Variants in UBE2Q1 observed in about 807,000 individuals in gnomAD.
UBE2Q1 encodes the protein ubiquitin-conjugating enzyme E2 Q1.
UBE2Q1 carries 6 observed loss-of-function variants against 60.1 expected under a neutral mutation model. That is an observed-to-expected ratio of 0.10 (90% CI 0.05 to 0.20). UBE2Q1 has a LOEUF of 0.20. Among genes scored for constraint, UBE2Q1 ranks in the 10% least tolerant of loss-of-function variants. The probability of loss-of-function intolerance (pLI) is 1.00; values close to 1 mark genes in which losing one functional copy is unlikely to be tolerated. For missense variants in UBE2Q1, 262 were observed against 525.8 expected, an observed-to-expected ratio of 0.50 and a Z score of 4.91; for synonymous variants, 226 against 208.3, an observed-to-expected ratio of 1.09 and a Z score of -0.73.
chr1:154,554,393 A>G (rs935327630), intron 4 of UBE2Q1, among the ~76,000 whole-genome samples: 2 of 152,274 alleles, frequency 1.3e-5, no homozygotes, highest in African/African-American at 2.4e-5. Context: ...AGTAGGTATT[A>G]TAATCCTACT....
chr1:154,555,646 T>C (rs1321709596), intron 2 of UBE2Q1, 114 bp from the exon 3 acceptor site: 2 of 1,046,622 alleles, frequency 1.9e-6, no homozygotes, highest in Non-Finnish European at 2.9e-6. Context: ...CTAAGCCTTA[T>C]GGGCCACGTG....
intron 12 of UBE2Q1, 50 bp from the exon 13 acceptor site, chr1:154,550,519 CCT>C (rs745908568): frequency 5.6e-6 from 9 of 1,611,740 alleles, no homozygotes; most frequent in Non-Finnish European, 7.6e-6. Flanking sequence ...GCCCACCCTC[CCT>C]GTCCTGCCCC....
chr1:154,553,216 C>G, intron 4 of UBE2Q1, 44 bp from the exon 5 acceptor site: 1 of 1,590,350 alleles, frequency 6.3e-7, no homozygotes, highest in Non-Finnish European at 8.5e-7. Context: ...AGGAAAAAAA[C>G]CGACACAGGT....
intron 3 of UBE2Q1, chr1:154,554,998 TAAAAG>T: frequency 3.5e-6 from 2 of 563,912 alleles, no homozygotes; most frequent in South Asian, 2.6e-5. Context: ...TGCCAAAGAA[TAAAAG>T]AAAAGCAAAA....
Position 154,551,375 on chromosome 1 carries a change from GC to G in UBE2Q1, c.1170+21del, listed in dbSNP as rs747495523. 3 of 1,612,224 alleles carry G rather than the reference GC, an allele frequency of 1.9e-6. No individual in the cohort carries two copies. The South Asian group carries it at 3.3e-5, about 18-fold the overall frequency. ...TACTTGGCTCCACCCAGCCCCACCA[GC>G]CCCAGGACCAGGATCCTTACTTTGT... On this transcript the variant is annotated intron_variant, in intron 11 of 12. Transcript: ENST00000292211.
Position 154,549,174 on chromosome 1 carries a change from A to G in UBE2Q1, c.*1264T>C, listed in dbSNP as rs972964184. The G allele has an allele frequency of 1.3e-5, 2 of 152,316 alleles. No individual in the cohort carries two copies. Among genetic ancestry groups the G allele is most frequent in the African/African-American group, 4.8e-5 (2 of 41,448 alleles). The allele number at this position is 152,316 out of a possible 1,614,324, so 9.4% of individuals were successfully genotyped here. A position where few individuals can be genotyped will look rare whatever the true frequency, so the allele number is the denominator to read the frequency against. On this transcript the variant is annotated 3_prime_UTR_variant, in exon 13 of 13. Coordinates refer to ENST00000292211, the MANE Select transcript of UBE2Q1 (RefSeq NM_017582.7). ...GATGCAGGCAGCACCCGCTAGATGC[A>G]AAGTCATGCCCAAACTTTTACAACA...
Position 154,552,187 on chromosome 1 carries a change from A to C in UBE2Q1, c.876-4T>G. On this transcript the variant is annotated splice_polypyrimidine_tract_variant and splice_region_variant and intron_variant, in intron 7 of 12. Transcript: ENST00000292211. ...CAAAGCGCTGTCCTGGTCAACTCTA[A>C]GAAGCAACAAGCCTGGGCTCAGATG... 6.2e-7 allele frequency: 1 copy of C among 1,614,210 alleles called. No individual in the cohort carries two copies. Among genetic ancestry groups the C allele is most frequent in the African/African-American group, 1.3e-5 (1 of 75,068 alleles).
intron 7 of UBE2Q1, 53 bp downstream of exon 7, chr1:154,552,351 C>T: frequency 6.2e-7 from 1 of 1,608,122 alleles, no homozygotes; most frequent in Non-Finnish European, 8.5e-7. Context: ...ACCACAGTAG[C>T]CCCACTCACA....
At chr1:154,552,505 G>A in intron 6 of UBE2Q1, 41 bp from the exon 7 acceptor site, 1 of 1,610,494 alleles carries the variant, frequency 6.2e-7, no homozygotes, top group South Asian at 1.1e-5. Flanking sequence ...GAATGGTCCA[G>A]GTGGTGAGTG....
chr1:154,550,179 A>G lies in UBE2Q1; in HGVS notation c.*259T>C, dbSNP rs1226861107. On this transcript the variant is annotated 3_prime_UTR_variant, in exon 13 of 13. Coordinates refer to ENST00000292211, the MANE Select transcript of UBE2Q1 (RefSeq NM_017582.7). ...ATAAGGAGGCTCGAAAGTTTCTTTT[A>G]TAAGAATGCCTGCTAGCAAGGGTTC... is the stretch of plus-strand genomic sequence containing the variant. The G allele has an allele frequency of 4.6e-5, 22 of 476,344 alleles. No individual in the cohort carries two copies. Among genetic ancestry groups the G allele is most frequent in the Admixed American group, 2.6e-4 (7 of 26,788 alleles). The allele number at this position is 476,344 out of a possible 1,614,324, so 29.5% of individuals were successfully genotyped here.
intron 1 of UBE2Q1, among the ~76,000 whole-genome samples, chr1:154,557,383 G>A (rs894832400): frequency 7.9e-5 from 12 of 152,360 alleles, no homozygotes; most frequent in African/African-American, 2.9e-4. Context: ...ATTAGCAGAA[G>A]CCAATTCTCT....
rs928513719 is a variant in UBE2Q1, at chr1:154,551,074, C to T, written c.1171-70G>A. The T allele has an allele frequency of 8.9e-6, 14 of 1,580,048 alleles. No homozygotes were observed. In the East Asian group the frequency reaches 2.9e-4, roughly 33 times the overall value. ...CTTACTGCCCCTCACCTTCTGCAGGCTGTCACCCAGAGACCCCAGAGTCCC... is the reference window on the plus strand; with the variant it reads ...CTTACTGCCCCTCACCTTCTGCAGGTTGTCACCCAGAGACCCCAGAGTCCC... On this transcript the variant is annotated intron_variant, in intron 11 of 12. Transcript: ENST00000292211.
chr1:154,555,328 G>A (rs981528573), intron 3 of UBE2Q1, 100 bp downstream of exon 3: 37 of 993,476 alleles, frequency 3.7e-5, no homozygotes, highest in East Asian at 4.8e-5. Flanking sequence ...TTTGGGAGCC[G>A]GTGGGGATGG....
intron 11 of UBE2Q1, 123 bp downstream of exon 11, chr1:154,551,274 C>T: frequency 1.9e-6 from 2 of 1,079,758 alleles, no homozygotes; most frequent in Admixed American, 2.0e-5. Context: ...GCCCTCTCAT[C>T]CAATGCCACC....
At chr1:154,556,533 C>A (rs1695891096) in intron 1 of UBE2Q1, among the ~76,000 whole-genome samples, 1 of 152,244 alleles carries the variant, frequency 6.6e-6, no homozygotes, top group Non-Finnish European at 1.5e-5. Context: ...AAGACCAATT[C>A]TCCCCACCTC....
intron 3 of UBE2Q1, chr1:154,555,084 T>TC (rs1454168203): frequency 1.8e-6 from 1 of 546,518 alleles, no homozygotes; most frequent in African/African-American, 1.9e-5. Flanking sequence ...TACTTGATCT[T>TC]CTTTAGACTG....
At chr1:154,554,515 C>A in intron 4 of UBE2Q1, 1 of 423,640 alleles carries the variant, frequency 2.4e-6, no homozygotes, top group African/African-American at 2.0e-5. Context: ...AATTAACTTA[C>A]CCAGTATTTG....
rs758020772 is a variant in UBE2Q1 at position 154,552,720 on chromosome 1, T to C, written c.814+16A>G. Reference sequence around the variant, plus strand: ...TGGGTGACTCTTGTGCAGGCCCCTCTCTGGGGCAAACTCACCGCCTTTGAA... The same window carrying C: ...TGGGTGACTCTTGTGCAGGCCCCTCCCTGGGGCAAACTCACCGCCTTTGAA... On this transcript the variant is annotated intron_variant, in intron 6 of 12. Transcript: ENST00000292211. The C allele has an allele frequency of 6.2e-7, 1 of 1,612,914 alleles. No individual in the cohort carries two copies. The highest frequency in any genetic ancestry group is 2.2e-5 in the East Asian group (1 of 44,872).
chr1:154,555,579 T>C (rs1282239961), intron 2 of UBE2Q1, 47 bp from the exon 3 acceptor site: 7 of 1,548,548 alleles, frequency 4.5e-6, no homozygotes, highest in Non-Finnish European at 6.2e-6. Context: ...CCCACTCCGA[T>C]CTGGATAAGT....
Sources: allele counts gnomAD v4.1 joint callset (sites outside exome capture counted in the v4.1 genomes callset), GRCh38; gene constraint gnomAD v4.1.1; transcripts MANE v1.5; gene names NCBI Gene and HGNC (gene_info 2026-07-23, HGNC 2026-07-21).